Variants in NAGS observed in about 807,000 individuals in gnomAD.
The protein encoded by NAGS is N-acetylglutamate synthase.
Under a neutral mutation model 46.9 loss-of-function variants are expected in NAGS, and 34 were observed. That is an observed-to-expected ratio of 0.72 (90% CI 0.55 to 0.97). The LOEUF (loss-of-function observed/expected upper bound fraction) is 0.97. Among genes scored for constraint, NAGS ranks in the 50% least tolerant of loss-of-function variants. NAGS has a pLI of 0.00. For missense variants in NAGS, 665 were observed against 747.0 expected, an observed-to-expected ratio of 0.89 and a Z score of 1.28; for synonymous variants, 334 against 346.3, an observed-to-expected ratio of 0.96 and a Z score of 0.39.
At position 44,006,635 on chromosome 17, in the gene NAGS, G is replaced by T. The variant is rs761589184; in HGVS notation, c.1022G>T (p.Ser341Ile). Residue 341 changes from serine to isoleucine, a missense_variant, in exon 4 of 7, where the codon AGC becomes ATC. Physicochemically the swap from Ser to Ile is moderately radical, Grantham distance 142. Transcript: ENST00000293404. This position sits in a 1 kb window ranked among gnomAD's most constrained non-coding sequence, Gnocchi z 4.8. ...QQMRLIVDVL[S>I]RLPHHSSAVI... is the part of the protein sequence containing the mutation. ...ATGCGGCTCATCGTGGACGTGCTCA[G>T]CCGCCTGCCCCACCACTCCTCGGCC... The T allele has an allele frequency of 6.2e-7, 1 of 1,608,644 alleles. No homozygotes were observed. The highest frequency in any genetic ancestry group is 1.7e-5 in the Admixed American group (1 of 59,624).
At position 44,005,437 on chromosome 17, in the gene NAGS, G is replaced by T. The variant is rs1308848011; in HGVS notation, c.427-200G>T. On this transcript the variant is annotated intron_variant, in intron 1 of 6. Transcript: ENST00000293404. The surrounding 1 kb of genome is among the most constrained non-coding windows in gnomAD (Gnocchi z 7.2). ...GGAGTCCAAGGTCGGAGGGAGGAGG[G>T]CGGGAGGTACCCCAGCGTGAGACAA... Among the ~76,000 whole-genome samples the T allele has an allele frequency of 6.6e-6, 1 of 152,226 alleles. No individual in the cohort carries two copies. Among genetic ancestry groups the T allele is most frequent in the African/African-American group, 2.4e-5 (1 of 41,466 alleles).
At position 44,006,723 on chromosome 17, in the gene NAGS, G is replaced by C. The variant is rs1377256224; in HGVS notation, c.1096+14G>C. 6.3e-7 allele frequency: 1 copy of C among 1,589,412 alleles called. No homozygotes were observed. Among genetic ancestry groups the C allele is most frequent in the Admixed American group, 1.7e-5 (1 of 59,310 alleles). ...TTAGCAACAAGGGTGAGGGCGGTGG[G>C]CGGGCCGGGGACTGGGTCCCGGGAG... On this transcript the variant is annotated intron_variant, in intron 4 of 6. Coordinates refer to ENST00000293404, the MANE Select transcript of NAGS (RefSeq NM_153006.3). This position sits in a 1 kb window ranked among gnomAD's most constrained non-coding sequence, Gnocchi z 4.8.
Position 44,008,833 on chromosome 17 carries a change from C to A in NAGS, c.*232C>A. On this transcript the variant is annotated 3_prime_UTR_variant, in exon 7 of 7. Coordinates refer to ENST00000293404, the MANE Select transcript of NAGS (RefSeq NM_153006.3). ...AACTCGACTCACTCTAAAGCTACAA[C>A]CAAATGGCCTTCGATTTTCAACCTG... 1.6e-6 allele frequency: 1 copy of A among 609,296 alleles called. No homozygotes were observed. 37.7% of individuals were successfully genotyped at this position (609,296 alleles called of 1,614,324 possible).
chr17:44,007,098 G>A lies in NAGS; in HGVS notation c.1097-225G>A, dbSNP rs2049104116. 2 of 601,366 alleles carry A rather than the reference G, an allele frequency of 3.3e-6. No individual in the cohort carries two copies. The allele number at this position is 601,366 out of a possible 1,614,324, so 37.3% of individuals were successfully genotyped here. A position where few individuals can be genotyped will look rare whatever the true frequency, so the allele number is the denominator to read the frequency against. ...CGAGGCAAGACTAACGGAAGTGGGTGGGGCTCCAGGCGACAGGAGGAACTT... is the reference window on the plus strand; with the variant it reads ...CGAGGCAAGACTAACGGAAGTGGGTAGGGCTCCAGGCGACAGGAGGAACTT... On this transcript the variant is annotated intron_variant, in intron 4 of 6. Coordinates refer to ENST00000293404, the MANE Select transcript of NAGS (RefSeq NM_153006.3). This position sits in a 1 kb window ranked among gnomAD's most constrained non-coding sequence, Gnocchi z 5.1.
rs767508998 is a variant in NAGS at position 44,007,804 on chromosome 17, G to T, written c.1451+31G>T. Reference sequence around the variant, plus strand: ...TCCTGCCACTCCCAGCTCTGGGCTGGGCCCTGACTTCCCTCCCCTCTCCCA... The same window carrying T: ...TCCTGCCACTCCCAGCTCTGGGCTGTGCCCTGACTTCCCTCCCCTCTCCCA... On this transcript the variant is annotated intron_variant, in intron 6 of 6. Transcript: ENST00000293404. The surrounding 1 kb of genome is among the most constrained non-coding windows in gnomAD (Gnocchi z 5.1). 2 of 1,564,454 alleles carry T rather than the reference G, an allele frequency of 1.3e-6. No individual in the cohort carries two copies. The highest frequency in any genetic ancestry group is 2.4e-5 in the South Asian group (2 of 84,924).
In NAGS at chr17:44,007,460, C is replaced by T. The variant is rs201703838; in HGVS notation, c.1234C>T (p.Arg412Cys). ...KLRDDYLASL[R>C]PRLHSIYVSE... ...CAGGGACGACTACCTGGCCTCGCTG[C>T]GCCCGCGGCTGCACTCCATCTACGT... The change falls in exon 5 of 7, where the codon CGC (arginine) becomes TGC (cysteine). Residue 412 changes from arginine (R) to cysteine (C), a missense_variant. Physicochemically the swap from Arg to Cys is radical, Grantham distance 180. Transcript: ENST00000293404. The surrounding 1 kb of genome is among the most constrained non-coding windows in gnomAD (Gnocchi z 5.1). 2.1e-4 allele frequency: 334 copies of T among 1,613,662 alleles called. No individual in the cohort carries two copies. Among genetic ancestry groups the T allele is most frequent in the Non-Finnish European group, 2.7e-4 (316 of 1,179,984 alleles).
rs1419889749 is a variant in NAGS at position 44,007,305 on chromosome 17, C to T, written c.1097-18C>T. ...AACGGCCCTCCAGCCAGACTAGCCC[C>T]TCCCCATCCTCCTCCAGGGTCCGGG... On this transcript the variant is annotated intron_variant, in intron 4 of 6. Coordinates refer to ENST00000293404, the MANE Select transcript of NAGS (RefSeq NM_153006.3). The surrounding 1 kb of genome is among the most constrained non-coding windows in gnomAD (Gnocchi z 5.1). 2 of 1,613,208 alleles carry T rather than the reference C, an allele frequency of 1.2e-6. No individual in the cohort carries two copies. Among genetic ancestry groups the T allele is most frequent in the South Asian group, 2.2e-5 (2 of 90,872 alleles).
In NAGS at chr17:44,004,638, T is replaced by G. The variant is rs1002761837; in HGVS notation, c.-26T>G. 6.7e-7 allele frequency: 1 copy of G among 1,502,782 alleles called. No homozygotes were observed. The highest frequency in any genetic ancestry group is 1.4e-5 in the African/African-American group (1 of 70,032). 93.1% of individuals were successfully genotyped at this position (1,502,782 alleles called of 1,614,324 possible). A position where few individuals can be genotyped will look rare whatever the true frequency, so the allele number is the denominator to read the frequency against. On this transcript the variant is annotated 5_prime_UTR_variant, in exon 1 of 7. Coordinates refer to ENST00000293404, the MANE Select transcript of NAGS (RefSeq NM_153006.3). ...AGACGCTCCAGACAGACTGCCACTC[T>G]TGGGGGGCAAGAGTTGGTTGTCGTC...
rs761562315 is a variant in NAGS at position 44,006,123 on chromosome 17, C to A, written c.801C>A (p.Arg267=). Reference sequence around the variant, plus strand: ...GCCCCATCGGGGAGACGGCCGCGCGCCGCTCCGTGCTTCTCGACTCCCTGG... The same window carrying A: ...GCCCCATCGGGGAGACGGCCGCGCGACGCTCCGTGCTTCTCGACTCCCTGG... ...ILCPIGETAA[R]RSVLLDSLEV... is the part of the protein sequence containing the mutation. The change falls in exon 3 of 7, where the codon CGC becomes CGA. Residue 267 remains arginine (R), a synonymous_variant. Coordinates refer to ENST00000293404, the MANE Select transcript of NAGS (RefSeq NM_153006.3). The surrounding 1 kb of genome is among the most constrained non-coding windows in gnomAD (Gnocchi z 4.8). 2 of 1,613,118 alleles carry A rather than the reference C, an allele frequency of 1.2e-6. No homozygotes were observed. Among genetic ancestry groups the A allele is most frequent in the Admixed American group, 3.3e-5 (2 of 59,996 alleles).
chr17:44,007,534 G>C lies in NAGS; in HGVS notation c.1268+40G>C. ...CCCAGAGGGCGGGGTCTGGGGGGCA[G>C]TCGGGCAGCTTCGGACCAAGGAGAG... On this transcript the variant is annotated intron_variant, in intron 5 of 6. Coordinates refer to ENST00000293404, the MANE Select transcript of NAGS (RefSeq NM_153006.3). This position sits in a 1 kb window ranked among gnomAD's most constrained non-coding sequence, Gnocchi z 5.1. 1 of 1,613,336 alleles carries C rather than the reference G, an allele frequency of 6.2e-7. No homozygotes were observed. Among genetic ancestry groups the C allele is most frequent in the Non-Finnish European group, 8.5e-7 (1 of 1,179,854 alleles).
Position 44,007,726 on chromosome 17 carries a change from T to C in NAGS, c.1404T>C (p.Leu468=), listed in dbSNP as rs1007289525. The change falls in exon 6 of 7, where the codon CTT becomes CTC. Residue 468 remains leucine (L), a synonymous_variant. Transcript: ENST00000293404. This position sits in a 1 kb window ranked among gnomAD's most constrained non-coding sequence, Gnocchi z 5.1. ...QMLWECLRRD[L]QTLFWRSRVT... is the part of the protein sequence containing the mutation. ...TGTGGGAGTGCCTGCGGCGGGACCT[T>C]CAGACACTTTTCTGGCGCTCCCGGG... is the stretch of plus-strand genomic sequence containing the variant. 2 of 1,598,886 alleles carry C rather than the reference T, an allele frequency of 1.3e-6. No homozygotes were observed. Among genetic ancestry groups the C allele is most frequent in the African/African-American group, 1.3e-5 (1 of 74,190 alleles).
intron 6 of NAGS, 61 bp from the exon 7 acceptor site, chr17:44,008,387 T>A: frequency 6.3e-7 from 1 of 1,590,792 alleles, no homozygotes; most frequent in Non-Finnish European, 8.6e-7. Context: ...ACAGAACCAG[T>A]GAGTAATGAA....
Position 44,005,134 on chromosome 17 carries a change from G to T in NAGS, c.426+45G>T. On this transcript the variant is annotated intron_variant, in intron 1 of 6. Transcript: ENST00000293404. The surrounding 1 kb of genome is among the most constrained non-coding windows in gnomAD (Gnocchi z 7.2). ...GGCCGTGACGCAGCGAGGGGATGGG[G>T]TTGTGCGGCCACCTGTCCTCAGGCA... 1 of 1,534,892 alleles carries T rather than the reference G, an allele frequency of 6.5e-7. No individual in the cohort carries two copies. Among genetic ancestry groups the T allele is most frequent in the South Asian group, 1.2e-5 (1 of 84,148 alleles).
At position 44,006,220 on chromosome 17, in the gene NAGS, C is replaced by G; in HGVS notation, c.898C>G (p.Arg300Gly). The part of the protein sequence containing the change: ...IIFLNNTGGL[R>G]DSSHKVLSNV... The stretch of plus-strand genomic sequence containing the variant: ...CTTCCTCAATAACACAGGCGGCCTG[C>G]GCGACAGCAGTCATAAGGTGCGGCC... Residue 300 changes from arginine (R) to glycine (G), a missense_variant, in exon 3 of 7, where the codon CGC becomes GGC. Arg to Gly is a moderately radical substitution (Grantham distance 125, BLOSUM62 -2). Coordinates refer to ENST00000293404, the MANE Select transcript of NAGS (RefSeq NM_153006.3). This position sits in a 1 kb window ranked among gnomAD's most constrained non-coding sequence, Gnocchi z 4.8. 3.1e-6 allele frequency: 5 copies of G among 1,613,194 alleles called. No individual in the cohort carries two copies. The highest frequency in any genetic ancestry group is 4.2e-6 in the Non-Finnish European group (5 of 1,179,982).
chr17:44,008,643 G>A lies in NAGS; in HGVS notation c.*42G>A. 6.2e-7 allele frequency: 1 copy of A among 1,612,366 alleles called. No homozygotes were observed. Among genetic ancestry groups the A allele is most frequent in the Non-Finnish European group, 8.5e-7 (1 of 1,179,716 alleles). On this transcript the variant is annotated 3_prime_UTR_variant, in exon 7 of 7. Coordinates refer to ENST00000293404, the MANE Select transcript of NAGS (RefSeq NM_153006.3). ...TACAGGCCCTGGAATGGCCAGGGTG[G>A]ACCAAAAGCCATGCCAGCTGGGCAT...
intron 6 of NAGS, among the ~76,000 whole-genome samples, chr17:44,008,062 A>C (rs1397023317): frequency 6.6e-6 from 1 of 152,148 alleles, no homozygotes; most frequent in Non-Finnish European, 1.5e-5. Flanking sequence ...CGGCGCCTCC[A>C]GTGGAACATC....
Position 44,007,157 on chromosome 17 carries a change from T to C in NAGS, c.1097-166T>C. The C allele has an allele frequency of 1.5e-6, 1 of 688,858 alleles. No homozygotes were observed. Among genetic ancestry groups the C allele is most frequent in the Admixed American group, 2.9e-5 (1 of 33,916 alleles). 42.7% of individuals were successfully genotyped at this position (688,858 alleles called of 1,614,324 possible). Reference sequence around the variant, plus strand: ...ATCTCTGCCTGGGGAAAGCATCTCCTTGAATGAAAATCACAGACAAATCTA... The same window carrying C: ...ATCTCTGCCTGGGGAAAGCATCTCCCTGAATGAAAATCACAGACAAATCTA... On this transcript the variant is annotated intron_variant, in intron 4 of 6. Transcript: ENST00000293404. The surrounding 1 kb of genome is among the most constrained non-coding windows in gnomAD (Gnocchi z 5.1).
chr17:44,007,032 T>C lies in NAGS; in HGVS notation c.1097-291T>C. 2.1e-6 allele frequency: 1 copy of C among 469,838 alleles called. No individual in the cohort carries two copies. The highest frequency in any genetic ancestry group is 2.5e-5 in the South Asian group (1 of 40,702). The allele number at this position is 469,838 out of a possible 1,614,324, so 29.1% of individuals were successfully genotyped here. ...CCGGGAGAGATGGGCGGGGCTTAGG[T>C]GGGTGGGCCGGGTCAGCGGCGGGAG... On this transcript the variant is annotated intron_variant, in intron 4 of 6. Coordinates refer to ENST00000293404, the MANE Select transcript of NAGS (RefSeq NM_153006.3). The surrounding 1 kb of genome is among the most constrained non-coding windows in gnomAD (Gnocchi z 5.1).
At position 44,008,728 on chromosome 17, in the gene NAGS, A is replaced by G; in HGVS notation, c.*127A>G. The G allele has an allele frequency of 7.7e-7, 1 of 1,294,578 alleles. No individual in the cohort carries two copies. Among genetic ancestry groups the G allele is most frequent in the Non-Finnish European group, 1.1e-6 (1 of 902,908 alleles). The allele number at this position is 1,294,578 out of a possible 1,614,324, so 80.2% of individuals were successfully genotyped here. A position where few individuals can be genotyped will look rare whatever the true frequency, so the allele number is the denominator to read the frequency against. ...TTGTTGGCTGAGTGATCTGCAGAGG[A>G]GAAAGCAGCCCCAGCTCTGCCCAGA... is the stretch of plus-strand genomic sequence containing the variant. On this transcript the variant is annotated 3_prime_UTR_variant, in exon 7 of 7. Coordinates refer to ENST00000293404, the MANE Select transcript of NAGS (RefSeq NM_153006.3).
Sources: gnomAD v4.1 joint callset for allele counts (sites outside exome capture counted in the v4.1 genomes callset) on GRCh38, gnomAD v4.1.1 for gene constraint, Gnocchi (gnomAD v3.1) non-coding constraint, MANE v1.5 for transcripts, NCBI Gene and HGNC (gene_info 2026-07-23, HGNC 2026-07-21) for gene names.